Variants in CTNND2 observed in about 807,000 individuals in gnomAD.
CTNND2 encodes catenin delta-2.
CTNND2 carries 22 observed loss-of-function variants against 144.4 expected under a neutral mutation model. That is an observed-to-expected ratio of 0.15 (90% CI 0.11 to 0.22). CTNND2 has a LOEUF of 0.22. CTNND2 is among the 10% of genes least tolerant of loss of function. The pLI, the probability that CTNND2 is intolerant of heterozygous loss-of-function variation, is 1.00. For missense variants in CTNND2, 1,353 were observed against 1,618.8 expected, an observed-to-expected ratio of 0.84 and a Z score of 2.82; for synonymous variants, 751 against 695.6, an observed-to-expected ratio of 1.08 and a Z score of -1.25.
intron 1 of CTNND2, among the ~76,000 whole-genome samples, chr5:11,854,608 CAAAACTCTAATTTG>C: frequency 6.6e-6 from 1 of 152,288 alleles, no homozygotes; most frequent in Middle Eastern, 3.4e-3. Flanking sequence ...AGTGAATACT[CAAAACTCTAATTTG>C]AAAACTGTAT....
chr5:11,312,709 A>ACCACTCCCCATATACCCTCACCCTCT (rs1751119335), intron 9 of CTNND2, among the ~76,000 whole-genome samples: 1 of 151,372 alleles, frequency 6.6e-6, no homozygotes, highest in African/African-American at 2.4e-5. Context: ...CCTCACCCTC[A>ACCACTCCCCATATACCCTCACCCTCT]CCTCCCACAG....
At chr5:11,567,705 T>C (rs923510423) in intron 2 of CTNND2, among the ~76,000 whole-genome samples, 1 of 152,204 alleles carries the variant, frequency 6.6e-6, no homozygotes, top group Non-Finnish European at 1.5e-5. Context: ...TTTTGTATCA[T>C]TCATGACTTT....
intron 12 of CTNND2, among the ~76,000 whole-genome samples, chr5:11,123,286 G>C (rs973007728): frequency 5.9e-5 from 9 of 152,174 alleles, no homozygotes. Flanking sequence ...GACACAGTAG[G>C]AACTCACTGG....
chr5:11,289,116 T>G lies in CTNND2; in HGVS notation c.1629-52293A>C, dbSNP rs529169061. On this transcript the variant is annotated intron_variant, in intron 9 of 21. Transcript: ENST00000304623. ...CCGCCTGTGCTCCCAGGCCACTATCTGCACACCTTAGCACAGGTCTCATGA... is the reference window on the plus strand; with the variant it reads ...CCGCCTGTGCTCCCAGGCCACTATCGGCACACCTTAGCACAGGTCTCATGA... Among the ~76,000 whole-genome samples, 26 of 152,342 alleles carry G rather than the reference T, an allele frequency of 1.7e-4. No individual in the cohort carries two copies. The South Asian group carries it at 5.0e-3, about 29-fold the overall frequency.
intron 6 of CTNND2, among the ~76,000 whole-genome samples, chr5:11,388,187 T>C (rs1015195041): frequency 8.5e-5 from 13 of 152,234 alleles, no homozygotes; most frequent in African/African-American, 3.1e-4. Context: ...GTAAGTGGTA[T>C]TGTCCACTGT....
chr5:11,682,544 G>A (rs1206398772), intron 2 of CTNND2, among the ~76,000 whole-genome samples: 3 of 152,092 alleles, frequency 2.0e-5, no homozygotes, highest in Admixed American at 2.0e-4. Context: ...AGAGAAAAAA[G>A]GTTCCTCCTT....
At chr5:11,827,857 T>G (rs920929535) in intron 1 of CTNND2, among the ~76,000 whole-genome samples, 10 of 152,204 alleles carry the variant, frequency 6.6e-5, no homozygotes, top group Non-Finnish European at 1.5e-4. Context: ...AAAGAAATTA[T>G]ACCAATTGTA....
At chr5:11,287,411 C>G (rs1410685145) in intron 9 of CTNND2, among the ~76,000 whole-genome samples, 1 of 152,200 alleles carries the variant, frequency 6.6e-6, no homozygotes. Context: ...CTTGCCAAGC[C>G]TCCACTATTG....
At chr5:11,369,450 G>C (rs1205052389) in intron 7 of CTNND2, among the ~76,000 whole-genome samples, 2 of 152,112 alleles carry the variant, frequency 1.3e-5, no homozygotes. Context: ...TTTTCCTTGA[G>C]TCAACAAGGC....
At chr5:11,167,384 C>A (rs574196766) in intron 11 of CTNND2, among the ~76,000 whole-genome samples, 4 of 152,186 alleles carry the variant, frequency 2.6e-5, no homozygotes, top group Admixed American at 6.5e-5. Flanking sequence ...TTTATTTAGC[C>A]CCAGAATGGA....
chr5:11,595,993 T>A lies in CTNND2; in HGVS notation c.175-30937A>T, dbSNP rs1581583161. On this transcript the variant is annotated intron_variant, in intron 2 of 21. Transcript: ENST00000304623. ...AATAACAAAGGCAGGATCTCATTTT[T>A]AAAGTAATCTCTTTCTCCAAGACAC... Among the ~76,000 whole-genome samples the A allele has an allele frequency of 3.3e-5, 5 of 152,320 alleles. No individual in the cohort carries two copies. In the East Asian group the frequency reaches 9.6e-4, roughly 29 times the overall value.
intron 2 of CTNND2, among the ~76,000 whole-genome samples, chr5:11,632,577 G>T (rs1455069024): frequency 6.6e-6 from 1 of 152,096 alleles, no homozygotes; most frequent in Non-Finnish European, 1.5e-5. Context: ...GTCACCCAAT[G>T]AAACATGAAA....
chr5:10,986,155 G>GAATT (rs1737924503), intron 20 of CTNND2, among the ~76,000 whole-genome samples: 1 of 152,150 alleles, frequency 6.6e-6, no homozygotes, highest in African/African-American at 2.4e-5. Context: ...TAAGTTTGAA[G>GAATT]AATTACATAC....
At chr5:11,679,842 C>A (rs1398741473) in intron 2 of CTNND2, among the ~76,000 whole-genome samples, 1 of 152,156 alleles carries the variant, frequency 6.6e-6, no homozygotes, top group Non-Finnish European at 1.5e-5. Flanking sequence ...ACAACCAGCT[C>A]CCTGACCTCA....
At chr5:11,183,517 C>T (rs1475450508) in intron 11 of CTNND2, among the ~76,000 whole-genome samples, 2 of 151,954 alleles carry the variant, frequency 1.3e-5, no homozygotes, top group East Asian at 3.9e-4. Context: ...GCTAAGGCCC[C>T]ACTGCTAAAG....
chr5:11,513,255 C>G (rs1473568788), intron 3 of CTNND2, among the ~76,000 whole-genome samples: 4 of 152,178 alleles, frequency 2.6e-5, no homozygotes, highest in Non-Finnish European at 4.4e-5. Flanking sequence ...AGTACCTCTC[C>G]TTGTTTTGCT....
At chr5:11,300,109 A>C (rs538562818) in intron 9 of CTNND2, among the ~76,000 whole-genome samples, 3 of 152,142 alleles carry the variant, frequency 2.0e-5, no homozygotes, top group Non-Finnish European at 4.4e-5. Context: ...AGAGACTTCT[A>C]AGTTGCCCAC....
intron 3 of CTNND2, among the ~76,000 whole-genome samples, chr5:11,490,901 T>C (rs935019644): frequency 1.3e-5 from 2 of 152,032 alleles, no homozygotes; most frequent in African/African-American, 4.8e-5. Flanking sequence ...GGTGGGAGGA[T>C]CACTTGAGCT....
Position 11,732,272 on chromosome 5 carries a change from C to T in CTNND2, c.38G>A (p.Gly13Glu). Reference sequence around the variant, plus strand: ...AGGCTGGTCTGGAACAGGCATAGCTCCTGCAAGGCAAGAGGACATGATCAA... The same window carrying T: ...AGGCTGGTCTGGAACAGGCATAGCTTCTGCAAGGCAAGAGGACATGATCAA... ...ARKPPGAAPL[G>E]AMPVPDQPSS... The change falls in exon 2 of 22, where the codon GGA (glycine) becomes GAA (glutamate). Residue 13 changes from glycine to glutamate, a missense_variant and splice_region_variant. Transcript: ENST00000304623. 1 of 1,613,148 alleles carries T rather than the reference C, an allele frequency of 6.2e-7. No homozygotes were observed. The highest frequency in any genetic ancestry group is 8.5e-7 in the Non-Finnish European group (1 of 1,179,406).
Sources: gnomAD v4.1 joint callset for allele counts (sites outside exome capture counted in the v4.1 genomes callset) on GRCh38, gnomAD v4.1.1 for gene constraint, MANE v1.5 for transcripts, NCBI Gene and HGNC (gene_info 2026-07-23, HGNC 2026-07-21) for gene names.